C19orf44: variants seen among roughly 807,000 people sequenced by gnomAD.
C19orf44 encodes chromosome 19 open reading frame 44, also known as uncharacterized protein C19orf44.
A neutral mutation model predicts 50.7 loss-of-function variants in C19orf44; 43 were observed. That is an observed-to-expected ratio of 0.85 (90% CI 0.66 to 1.09). The LOEUF is 1.09. Among genes scored for constraint, C19orf44 ranks in the 50% least tolerant of loss-of-function variants. The pLI is 0.00. For missense variants in C19orf44, 722 were observed against 836.2 expected (o/e 0.86, Z 1.68); for synonymous variants, 298 against 334.7 (o/e 0.89, Z 1.20).
intron 1 of C19orf44, chr19:16,499,598 CT>C (rs2093419281): frequency 6.6e-6 from 1 of 152,000 alleles, no homozygotes. Context: ...CTTTTAAAGT[CT>C]TTGTAATCTT....
At chr19:16,509,352 T>G in intron 4 of C19orf44, 147 bp from the exon 5 acceptor site, 2 of 1,089,260 alleles carry the variant, frequency 1.8e-6, no homozygotes, top group South Asian at 3.2e-5. Flanking sequence ...CTGTTTAGAA[T>G]ACTCCGTGCC....
chr19:16,512,819 G>A (rs890976328), intron 5 of C19orf44, among the ~76,000 whole-genome samples, 195 bp from the exon 6 acceptor site: 5 of 148,568 alleles, frequency 3.4e-5, no homozygotes, highest in African/African-American at 7.5e-5. Context: ...TGATCATGCC[G>A]TGCACTCCAG....
At chr19:16,513,414 C>T (rs762263429) in intron 6 of C19orf44, among the ~76,000 whole-genome samples, 3 of 152,178 alleles carry the variant, frequency 2.0e-5, no homozygotes, top group South Asian at 2.1e-4. Flanking sequence ...GAGACAGTCT[C>T]GCTCTGTTGC....
In C19orf44 at chr19:16,501,179, G is replaced by C; in HGVS notation, c.387G>C (p.Lys129Asn). 1 of 1,614,124 alleles carries C rather than the reference G, an allele frequency of 6.2e-7. No homozygotes were observed. The highest frequency in any genetic ancestry group is 8.5e-7 in the Non-Finnish European group (1 of 1,180,040). ...TGACCGCCGATGCTGGTCTTCCAAA[G>C]AGAGCTGACAGAATCCTCTCTGGGG... is the stretch of plus-strand genomic sequence containing the variant. ...DSMTADAGLP[K>N]RADRILSGGA... Residue 129 changes from lysine to asparagine, a missense_variant, in exon 2 of 9, where the codon AAG (lysine) becomes AAC (asparagine). Physicochemically the swap from Lys to Asn is moderately conservative, Grantham distance 94 (BLOSUM62 0). Coordinates refer to ENST00000221671, the MANE Select transcript of C19orf44 (RefSeq NM_032207.4).
chr19:16,506,657 TAA>T, intron 3 of C19orf44, 42 bp from the exon 4 acceptor site: 1 of 1,277,194 alleles, frequency 7.8e-7, no homozygotes, highest in Non-Finnish European at 1.1e-6. Context: ...ATGGAGTAAA[TAA>T]GAGAGTAAAT....
rs2085593021 is a variant in C19orf44, at chr19:16,519,935, C to T, written c.*41-159C>T. ...ACGCTCAGCATTGAGAGCAGGACAC[C>T]TCCAACCCAGATGGTGGTTAGAAAG... On this transcript the variant is annotated intron_variant, in intron 8 of 8. Transcript: ENST00000221671. The surrounding 1 kb of genome is among the most constrained non-coding windows in gnomAD (Gnocchi z 6.0). 4.5e-6 allele frequency: 3 copies of T among 661,290 alleles called. No homozygotes were observed. The East Asian group carries it at 8.1e-5, about 18-fold the overall frequency. 41.0% of individuals were successfully genotyped at this position (661,290 alleles called of 1,614,324 possible).
chr19:16,511,216 T>C (rs2093456302), intron 5 of C19orf44, among the ~76,000 whole-genome samples: 1 of 152,074 alleles, frequency 6.6e-6, no homozygotes, highest in Non-Finnish European at 1.5e-5. Context: ...TTTGTATTTT[T>C]AGTAGAGATG....
chr19:16,506,380 G>T (rs1056009299), intron 3 of C19orf44, among the ~76,000 whole-genome samples: 3 of 152,068 alleles, frequency 2.0e-5, no homozygotes, highest in African/African-American at 7.2e-5. Flanking sequence ...AATCACTTGA[G>T]GCCAGGAATT....
intron 7 of C19orf44, 147 bp from the exon 8 acceptor site, chr19:16,517,083 G>T: frequency 2.8e-6 from 2 of 719,160 alleles, no homozygotes; most frequent in Non-Finnish European, 4.7e-6. Context: ...GCGCCAACCT[G>T]TCACACACAT....
intron 5 of C19orf44, among the ~76,000 whole-genome samples, chr19:16,511,315 G>T (rs1223158863): frequency 4.6e-5 from 7 of 152,168 alleles, no homozygotes; most frequent in Admixed American, 3.9e-4. Flanking sequence ...GATTATAGGT[G>T]TGAGCCACCG....
chr19:16,519,616 C>T lies in C19orf44; in HGVS notation c.*41-478C>T. On this transcript the variant is annotated intron_variant, in intron 8 of 8. Transcript: ENST00000221671. The surrounding 1 kb of genome is among the most constrained non-coding windows in gnomAD (Gnocchi z 6.0). ...TCCCGCGCCCTCCCCATTCCCTCGCCTTACCCATCTTCACCAGCATCTGAT... is the reference window on the plus strand; with the variant it reads ...TCCCGCGCCCTCCCCATTCCCTCGCTTTACCCATCTTCACCAGCATCTGAT... The T allele has an allele frequency of 6.2e-7, 1 of 1,613,484 alleles. No homozygotes were observed.
rs766012811 is a variant in C19orf44, at chr19:16,519,738, T to G, written c.*41-356T>G. 2 of 1,584,040 alleles carry G rather than the reference T, an allele frequency of 1.3e-6. No homozygotes were observed. Among genetic ancestry groups the G allele is most frequent in the African/African-American group, 1.3e-5 (1 of 74,440 alleles). The stretch of plus-strand genomic sequence containing the variant: ...GAACTAAAATCGAGACAGGTTATTC[T>G]TTTTAAGAAGTAACTGAGACATTTA... On this transcript the variant is annotated intron_variant, in intron 8 of 8. Coordinates refer to ENST00000221671, the MANE Select transcript of C19orf44 (RefSeq NM_032207.4). This position sits in a 1 kb window ranked among gnomAD's most constrained non-coding sequence, Gnocchi z 6.0.
intron 1 of C19orf44, among the ~76,000 whole-genome samples, chr19:16,498,234 T>C (rs571003355): frequency 1.9e-4 from 29 of 152,328 alleles, no homozygotes; most frequent in African/African-American, 6.7e-4. Flanking sequence ...GTTTTCCACA[T>C]TGAGGACTAC....
chr19:16,508,533 G>A (rs2093446941), intron 4 of C19orf44, among the ~76,000 whole-genome samples: 1 of 151,992 alleles, frequency 6.6e-6, no homozygotes, highest in Non-Finnish European at 1.5e-5. Flanking sequence ...GACTACAAGC[G>A]TGCACCCATG....
Position 16,514,525 on chromosome 19 carries a change from G to A in C19orf44, c.1764G>A (p.Leu588=). Reference sequence around the variant, plus strand: ...TGACCGCTTACAGCCCGGCCGTGCTGGCACTCCATGATGTGCTGAAGCAGC... The same window carrying A: ...TGACCGCTTACAGCCCGGCCGTGCTAGCACTCCATGATGTGCTGAAGCAGC... ...EALTAYSPAV[L]ALHDVLKQQL... Residue 588 remains leucine (L), a synonymous_variant, in exon 7 of 9, where the codon CTG becomes CTA. Transcript: ENST00000221671. 1.2e-6 allele frequency: 2 copies of A among 1,611,910 alleles called. No individual in the cohort carries two copies. Among genetic ancestry groups the A allele is most frequent in the Non-Finnish European group, 1.7e-6 (2 of 1,179,654 alleles).
Position 16,506,411 on chromosome 19 carries a change from G to A in C19orf44, c.1076-290G>A, listed in dbSNP as rs1459708785. ...GAATTCAAGACCAGCCTGGCCAAATGGTGAAATCTTGTCTGTACTAAAAAT... is the reference window on the plus strand; with the variant it reads ...GAATTCAAGACCAGCCTGGCCAAATAGTGAAATCTTGTCTGTACTAAAAAT... On this transcript the variant is annotated intron_variant, in intron 3 of 8. Coordinates refer to ENST00000221671, the MANE Select transcript of C19orf44 (RefSeq NM_032207.4). Among the ~76,000 whole-genome samples, 3 of 152,056 alleles carry A rather than the reference G, an allele frequency of 2.0e-5. No individual in the cohort carries two copies. In the East Asian group the frequency reaches 5.8e-4, roughly 30 times the overall value.
chr19:16,505,265 G>A (rs989471516), intron 3 of C19orf44, among the ~76,000 whole-genome samples: 3 of 150,458 alleles, frequency 2.0e-5, no homozygotes, highest in Non-Finnish European at 4.4e-5. Flanking sequence ...CCAGGCTGGA[G>A]TGCAATGGCG....
chr19:16,512,519 A>G (rs552527083), intron 5 of C19orf44, among the ~76,000 whole-genome samples: 5 of 152,158 alleles, frequency 3.3e-5, no homozygotes, highest in African/African-American at 1.2e-4. Flanking sequence ...TTGAGCCAAG[A>G]AAACCTAGCA....
At chr19:16,504,614 T>C (rs1465933973) in intron 3 of C19orf44, among the ~76,000 whole-genome samples, 2 of 148,000 alleles carry the variant, frequency 1.4e-5, no homozygotes, top group Non-Finnish European at 3.0e-5. Context: ...TTTTTTTTTT[T>C]GTTTGTTTGT....
Sources: allele counts gnomAD v4.1 joint callset (sites outside exome capture counted in the v4.1 genomes callset), GRCh38; gene constraint gnomAD v4.1.1; non-coding constraint Gnocchi (gnomAD v3.1); transcripts MANE v1.5; gene names NCBI Gene and HGNC (gene_info 2026-07-23, HGNC 2026-07-21).